Variants in HTR1E observed in about 807,000 individuals in gnomAD.
HTR1E encodes 5-hydroxytryptamine receptor 1E, also known as 5-HT-1E.
HTR1E carries 3 observed loss-of-function variants against 3.4 expected under a neutral mutation model. The observed-to-expected ratio is 0.89, with a 90% CI of 0.41 to 2.31. The LOEUF is 2.31. Ranked by LOEUF, HTR1E falls within the 30% of genes most tolerant of loss-of-function variation. HTR1E has a pLI of 0.05. For synonymous variants in HTR1E, 170 were observed against 182.8 expected (o/e 0.93, Z 0.56); for missense variants, 392 against 467.0 (o/e 0.84, Z 1.48).
intron 1 of HTR1E, among the ~76,000 whole-genome samples, chr6:86,948,152 TGTTA>T (rs1226690242): frequency 1.3e-5 from 2 of 152,198 alleles, no homozygotes; most frequent in African/African-American, 4.8e-5. Context: ...TCTGTTCCTG[TGTTA>T]GTTTGCCGAG....
chr6:86,950,498 A>T (rs568690024), intron 1 of HTR1E, among the ~76,000 whole-genome samples: 1 of 152,336 alleles, frequency 6.6e-6, no homozygotes, highest in East Asian at 1.9e-4. Context: ...TAGGCTGCAA[A>T]GGTATTGAAC....
chr6:86,950,716 A>G (rs1205029479), intron 1 of HTR1E, among the ~76,000 whole-genome samples: 1 of 152,208 alleles, frequency 6.6e-6, no homozygotes. Flanking sequence ...AATTGGTTTC[A>G]TAACCCTAAG....
chr6:87,001,334 T>C (rs1049680332), intron 1 of HTR1E, among the ~76,000 whole-genome samples: 7 of 152,032 alleles, frequency 4.6e-5, no homozygotes, highest in African/African-American at 1.4e-4. Context: ...TAAATGTAAA[T>C]GGACTAAACT....
chr6:86,988,677 C>A (rs1767830307), intron 1 of HTR1E, among the ~76,000 whole-genome samples: 1 of 152,064 alleles, frequency 6.6e-6, no homozygotes, highest in African/African-American at 2.4e-5. Flanking sequence ...TATATCTATC[C>A]TCCAAGGATG....
intron 1 of HTR1E, among the ~76,000 whole-genome samples, chr6:86,943,147 T>C (rs889367045): frequency 6.6e-6 from 1 of 152,214 alleles, no homozygotes; most frequent in African/African-American, 2.4e-5. Flanking sequence ...CCTGTTATAT[T>C]AAAATACATG....
intron 1 of HTR1E, among the ~76,000 whole-genome samples, chr6:86,950,363 T>G (rs980818791): frequency 1.3e-5 from 2 of 152,184 alleles, no homozygotes; most frequent in Non-Finnish European, 2.9e-5. Flanking sequence ...TACAAAGTTC[T>G]GATAGAGATG....
In HTR1E at chr6:86,946,477, T is replaced by C. The variant is rs142288663; in HGVS notation, c.-186+8654T>C. On this transcript the variant is annotated intron_variant, in intron 1 of 1. Coordinates refer to ENST00000305344, the MANE Select transcript of HTR1E (RefSeq NM_000865.3). Reference sequence around the variant, plus strand: ...ATCTAGGTTTGTGGAAGTACACATCTTGATGTTCACACAATGATGAAATGG... The same window carrying C: ...ATCTAGGTTTGTGGAAGTACACATCCTGATGTTCACACAATGATGAAATGG... Among the ~76,000 whole-genome samples the C allele has an allele frequency of 1.2e-3, 179 of 152,356 alleles. 1 individual carries two copies. Among genetic ancestry groups the C allele is most frequent in the African/African-American group, 4.2e-3 (173 of 41,578 alleles).
At chr6:87,002,752 A>G (rs571078743) in intron 1 of HTR1E, among the ~76,000 whole-genome samples, 2 of 152,308 alleles carry the variant, frequency 1.3e-5, no homozygotes, top group East Asian at 1.9e-4. Context: ...GCTAGGCAGA[A>G]AAGTTCTCCA....
chr6:86,974,827 A>G (rs1041511581), intron 1 of HTR1E, among the ~76,000 whole-genome samples: 3 of 152,124 alleles, frequency 2.0e-5, no homozygotes, highest in Non-Finnish European at 4.4e-5. Flanking sequence ...TTTATTTTTA[A>G]CCTGAAATTG....
At chr6:86,984,126 C>T (rs1328153401) in intron 1 of HTR1E, among the ~76,000 whole-genome samples, 3 of 152,036 alleles carry the variant, frequency 2.0e-5, no homozygotes, top group Admixed American at 2.0e-4. Context: ...GAGTTCAAAC[C>T]TCATTTCCCA....
chr6:87,011,184 A>G lies in HTR1E; in HGVS notation c.-185-3966A>G, dbSNP rs144456081. Among the ~76,000 whole-genome samples, 166 of 152,334 alleles carry G rather than the reference A, an allele frequency of 1.1e-3. 1 individual carries two copies. The highest frequency in any genetic ancestry group is 3.9e-3 in the African/African-American group (161 of 41,584). On this transcript the variant is annotated intron_variant, in intron 1 of 1. Coordinates refer to ENST00000305344, the MANE Select transcript of HTR1E (RefSeq NM_000865.3). ...TCATGTGGAGCCAGGAAATGCTGCT[A>G]GGAGAGAGGGTGGCTAAGCTGACAG...
intron 1 of HTR1E, among the ~76,000 whole-genome samples, chr6:86,964,224 G>A (rs1047588275): frequency 1.3e-5 from 2 of 152,122 alleles, no homozygotes; most frequent in Non-Finnish European, 1.5e-5. Context: ...AATATGCGTT[G>A]GAATCGTATC....
chr6:86,948,675 T>C (rs1767161751), intron 1 of HTR1E, among the ~76,000 whole-genome samples: 1 of 152,104 alleles, frequency 6.6e-6, no homozygotes, highest in South Asian at 2.1e-4. Context: ...TCACACTGAA[T>C]GCACCCTTGG....
intron 1 of HTR1E, chr6:86,971,054 A>G (rs1024248284): frequency 3.9e-6 from 2 of 510,644 alleles, no homozygotes; most frequent in Middle Eastern, 3.9e-4. Flanking sequence ...CACTTCAAAG[A>G]AGCAAATAAC....
intron 1 of HTR1E, among the ~76,000 whole-genome samples, chr6:86,939,361 T>C (rs949023612): frequency 2.6e-5 from 4 of 152,218 alleles, no homozygotes; most frequent in African/African-American, 9.6e-5. Context: ...ACTATTTTGC[T>C]GCATAGAGGT....
chr6:86,972,592 A>G (rs1767576054), intron 1 of HTR1E, among the ~76,000 whole-genome samples: 1 of 152,220 alleles, frequency 6.6e-6, no homozygotes, highest in Admixed American at 6.5e-5. Context: ...ACTATTTATT[A>G]CAGGTGGAAA....
At chr6:86,943,788 G>A (rs1768578648) in intron 1 of HTR1E, among the ~76,000 whole-genome samples, 1 of 152,180 alleles carries the variant, frequency 6.6e-6, no homozygotes, top group South Asian at 2.1e-4. Flanking sequence ...AGGATTAAAT[G>A]TGTGTATTCA....
At chr6:86,996,995 T>C (rs1767949441) in intron 1 of HTR1E, among the ~76,000 whole-genome samples, 2 of 151,788 alleles carry the variant, frequency 1.3e-5, no homozygotes, top group South Asian at 4.1e-4. Context: ...AATTCAGCAA[T>C]ATATAAAAAG....
chr6:86,964,093 T>C (rs1767442496), intron 1 of HTR1E, among the ~76,000 whole-genome samples: 1 of 152,188 alleles, frequency 6.6e-6, no homozygotes, highest in Non-Finnish European at 1.5e-5. Flanking sequence ...GAGAGGCACC[T>C]TCCCTGGAGC....
Sources: allele counts gnomAD v4.1 joint callset (sites outside exome capture counted in the v4.1 genomes callset), GRCh38; gene constraint gnomAD v4.1.1; transcripts MANE v1.5; gene names NCBI Gene and HGNC (gene_info 2026-07-23, HGNC 2026-07-21).